The following METTL8 variants were observed in gnomAD, a reference collection of about 807,000 sequenced individuals.
METTL8 encodes the protein tRNA N(3)-cytidine methyltransferase METTL8, mitochondrial.
In METTL8, 32 loss-of-function variants were observed where a neutral mutation model predicts 48.7. That is an observed-to-expected ratio of 0.66 (90% confidence interval 0.50 to 0.88). The LOEUF (loss-of-function observed/expected upper bound fraction) is 0.88, where lower values mean the gene tolerates loss of function less well. Ranked by LOEUF, METTL8 falls within the 40% of genes least tolerant of loss-of-function variation. The probability of loss-of-function intolerance (pLI) is 0.00; values close to 1 mark genes in which losing one functional copy is unlikely to be tolerated. For missense variants in METTL8, 464 were observed against 474.4 expected (o/e 0.98, Z 0.20); for synonymous variants, 136 against 157.1 (o/e 0.87, Z 1.01).
intron 2 of METTL8, among the ~76,000 whole-genome samples, chr2:171,390,967 A>G (rs1236226859): frequency 6.6e-6 from 1 of 152,240 alleles, no homozygotes; most frequent in African/African-American, 2.4e-5. Flanking sequence ...ACTGATTTTG[A>G]AAGTTCTACT....
intron 3 of METTL8, among the ~76,000 whole-genome samples, chr2:171,340,232 G>A (rs1465310684): frequency 6.0e-5 from 9 of 149,356 alleles, no homozygotes; most frequent in Non-Finnish European, 4.4e-5. Flanking sequence ...GCTGGGCACG[G>A]TGGCTCATAC....
chr2:171,398,360 G>A (rs965261275), intron 1 of METTL8, among the ~76,000 whole-genome samples: 2 of 152,106 alleles, frequency 1.3e-5, no homozygotes, highest in East Asian at 1.9e-4. Context: ...GTACAACCAT[G>A]GATGAATCTT....
At chr2:171,356,271 C>G (rs1307916749) in intron 3 of METTL8, among the ~76,000 whole-genome samples, 3 of 152,158 alleles carry the variant, frequency 2.0e-5, no homozygotes, top group Non-Finnish European at 4.4e-5. Context: ...TCCCGAATAG[C>G]TAGGACTACA....
At chr2:171,425,485 A>T (rs771052300) in intron 1 of METTL8, among the ~76,000 whole-genome samples, 6 of 152,302 alleles carry the variant, frequency 3.9e-5, no homozygotes, top group Middle Eastern at 3.4e-3. Context: ...TTTGCTTTGA[A>T]GAAGCAGACT....
chr2:171,387,364 G>A (rs1015534288), intron 2 of METTL8, among the ~76,000 whole-genome samples: 4 of 151,884 alleles, frequency 2.6e-5, no homozygotes, highest in African/African-American at 9.7e-5. Context: ...CACATCCAGC[G>A]AGGGGGACAT....
At chr2:171,421,285 T>C (rs1281468841) in intron 1 of METTL8, among the ~76,000 whole-genome samples, 1 of 152,122 alleles carries the variant, frequency 6.6e-6, no homozygotes, top group Non-Finnish European at 1.5e-5. Context: ...TTTTAAAATA[T>C]ACTATTTAGC....
At chr2:171,374,674 C>G (rs1686763276) in intron 2 of METTL8, among the ~76,000 whole-genome samples, 1 of 151,516 alleles carries the variant, frequency 6.6e-6, no homozygotes, top group African/African-American at 2.4e-5. Flanking sequence ...CCCCACTCAC[C>G]TCCACCACTA....
At chr2:171,429,085 G>A (rs1574264412) in intron 1 of METTL8, among the ~76,000 whole-genome samples, 2 of 151,708 alleles carry the variant, frequency 1.3e-5, no homozygotes, top group African/African-American at 4.9e-5. Context: ...GATTTCTGTA[G>A]GAGAAACCTT....
At chr2:171,360,848 C>G (rs1171416016) in intron 2 of METTL8, among the ~76,000 whole-genome samples, 9 of 152,148 alleles carry the variant, frequency 5.9e-5, no homozygotes, top group Non-Finnish European at 1.3e-4. Context: ...ATTTATTTGC[C>G]TTTTTGTTAA....
intron 1 of METTL8, among the ~76,000 whole-genome samples, chr2:171,427,794 T>C (rs933604874): frequency 2.0e-5 from 3 of 152,228 alleles, no homozygotes; most frequent in African/African-American, 7.2e-5. Flanking sequence ...TTATTTATTG[T>C]CTATCTCCTC....
intron 3 of METTL8, among the ~76,000 whole-genome samples, chr2:171,345,829 T>C (rs373407728): frequency 6.6e-6 from 1 of 152,308 alleles, no homozygotes; most frequent in African/African-American, 2.4e-5. Context: ...AGATGTTTTT[T>C]AGGAAATTAT....
At chr2:171,376,495 T>C (rs929263087) in intron 2 of METTL8, among the ~76,000 whole-genome samples, 2 of 152,080 alleles carry the variant, frequency 1.3e-5, no homozygotes, top group African/African-American at 2.4e-5. Flanking sequence ...ATGGATTCAG[T>C]AAAGTTTCAG....
rs144728189 is a variant in METTL8 at position 171,399,606 on chromosome 2, T to C, written c.-12-7409A>G. Among the ~76,000 whole-genome samples the C allele has an allele frequency of 4.0e-3, 614 of 152,268 alleles. 3 individuals carry two copies. Among genetic ancestry groups the C allele is most frequent in the Non-Finnish European group, 6.0e-3 (405 of 68,016 alleles). On this transcript the variant is annotated intron_variant, in intron 1 of 9. Transcript: ENST00000375258. ...AGCTACAAATTTTGGCTAGATGCTT[T>C]GCCTACCACTAAAATGGGATCCTTT...
At chr2:171,387,223 G>A (rs77799115) in intron 2 of METTL8, among the ~76,000 whole-genome samples, 1 of 152,144 alleles carries the variant, frequency 6.6e-6, no homozygotes, top group Non-Finnish European at 1.5e-5. Flanking sequence ...GCGCTCACTG[G>A]GACTTCAGGA....
chr2:171,335,607 TAG>T (rs1686004289), intron 5 of METTL8, among the ~76,000 whole-genome samples: 1 of 152,054 alleles, frequency 6.6e-6, no homozygotes, highest in African/African-American at 2.4e-5. Flanking sequence ...GTATTTTTAG[TAG>T]AGACAGGGTT....
chr2:171,347,652 T>TC lies in METTL8; in HGVS notation c.236-8099dup, dbSNP rs563545277. 1.9e-4 allele frequency among the ~76,000 whole-genome samples: 29 copies of TC among 152,368 alleles called. 2 individuals carry two copies. In the South Asian group the frequency reaches 6.0e-3, roughly 32 times the overall value. On this transcript the variant is annotated intron_variant, in intron 3 of 9. Transcript: ENST00000375258. ...TTCAGTTTAGGCTTGACTCTGTCTGTCACATCCAGGTGGCCACCAGCAGAA... is the reference window on the plus strand; with the variant it reads ...TTCAGTTTAGGCTTGACTCTGTCTGTCCACATCCAGGTGGCCACCAGCAGAA...
intron 2 of METTL8, chr2:171,374,903 T>G: frequency 9.0e-7 from 1 of 1,113,382 alleles, no homozygotes; most frequent in Non-Finnish European, 1.4e-6. Flanking sequence ...GAGAATAGTC[T>G]GTCTTCAGTC....
intron 3 of METTL8, among the ~76,000 whole-genome samples, chr2:171,349,789 C>T (rs934839928): frequency 6.6e-6 from 1 of 152,076 alleles, no homozygotes; most frequent in Non-Finnish European, 1.5e-5. Flanking sequence ...CAACAATACA[C>T]AAGGGCTCCA....
At chr2:171,419,060 T>A (rs58033547) in intron 1 of METTL8, among the ~76,000 whole-genome samples, 5,871 of 152,108 alleles carry the variant, frequency 0.039, 371 homozygotes, top group African/African-American at 0.13. Context: ...GGCTCCTATA[T>A]TCCTTTTGAC....
Sources: gnomAD v4.1 joint callset for allele counts (sites outside exome capture counted in the v4.1 genomes callset) on GRCh38, gnomAD v4.1.1 for gene constraint, MANE v1.5 for transcripts, NCBI Gene and HGNC (gene_info 2026-07-23, HGNC 2026-07-21) for gene names.